The following AIG1 variants were observed in gnomAD, a reference collection of about 807,000 sequenced individuals.
AIG1 encodes androgen-induced gene 1 protein.
A neutral mutation model predicts 31.4 loss-of-function variants in AIG1; 23 were observed. The observed-to-expected ratio is 0.73, with a 90% CI of 0.53 to 1.04. AIG1 has a LOEUF of 1.04. Ranked by LOEUF, AIG1 falls within the 50% of genes least tolerant of loss-of-function variation. The probability of loss-of-function intolerance (pLI) is 0.00; values close to 1 mark genes in which losing one functional copy is unlikely to be tolerated. For missense variants in AIG1, 274 were observed against 295.0 expected, an observed-to-expected ratio of 0.93 and a Z score of 0.52; for synonymous variants, 100 against 110.5, an observed-to-expected ratio of 0.90 and a Z score of 0.60.
At chr6:143,306,975 T>G (rs1298003463) in intron 4 of AIG1, among the ~76,000 whole-genome samples, 1 of 152,200 alleles carries the variant, frequency 6.6e-6, no homozygotes, top group Admixed American at 6.5e-5. Flanking sequence ...TGATACCCTT[T>G]CTTCCAGTTG....
At chr6:143,162,742 C>A (rs372157365) in intron 2 of AIG1, among the ~76,000 whole-genome samples, 2 of 152,260 alleles carry the variant, frequency 1.3e-5, no homozygotes, top group East Asian at 3.9e-4. Flanking sequence ...CCTTTACCAC[C>A]CCTCAGGTTA....
In AIG1 at chr6:143,339,692, G is replaced by A. The variant is rs369292155; in HGVS notation, c.*16G>A. Reference sequence around the variant, plus strand: ...ATTGGAATGAGATCCAAGTCTAAACGCAAGAGCTAGATTGAGCCGCCATTG... The same window carrying A: ...ATTGGAATGAGATCCAAGTCTAAACACAAGAGCTAGATTGAGCCGCCATTG... On this transcript the variant is annotated 3_prime_UTR_variant, in exon 6 of 6. Transcript: ENST00000357847. The A allele has an allele frequency of 5.6e-6, 9 of 1,612,444 alleles. No individual in the cohort carries two copies. Among genetic ancestry groups the A allele is most frequent in the African/African-American group, 5.3e-5 (4 of 74,844 alleles).
chr6:143,061,715 T>C lies in AIG1; in HGVS notation c.141+649T>C, dbSNP rs944410827. 4 of 172,496 alleles carry C rather than the reference T, an allele frequency of 2.3e-5. No individual in the cohort carries two copies. The East Asian group carries it at 4.5e-4, about 20-fold the overall frequency. The allele number at this position is 172,496 out of a possible 1,614,324, so 10.7% of individuals were successfully genotyped here. ...CTGTACACACTTCTCTGTCTTCCCATGTACAAATTTACAGTAGTTTGCATA... is the reference window on the plus strand; with the variant it reads ...CTGTACACACTTCTCTGTCTTCCCACGTACAAATTTACAGTAGTTTGCATA... On this transcript the variant is annotated intron_variant, in intron 1 of 5. Transcript: ENST00000357847.
intron 3 of AIG1, among the ~76,000 whole-genome samples, chr6:143,167,623 A>G (rs765627424): frequency 2.1e-4 from 32 of 152,216 alleles, no homozygotes; most frequent in Non-Finnish European, 1.5e-4. Flanking sequence ...GTATCCAGCC[A>G]TTAGAACTTT....
intron 4 of AIG1, among the ~76,000 whole-genome samples, chr6:143,307,815 C>T (rs957265445): frequency 3.3e-5 from 5 of 152,238 alleles, no homozygotes; most frequent in African/African-American, 1.2e-4. Flanking sequence ...GTGGAGCCTA[C>T]AGAGGCAGGC....
intron 2 of AIG1, among the ~76,000 whole-genome samples, chr6:143,144,752 C>T (rs1159598179): frequency 6.6e-6 from 1 of 152,094 alleles, no homozygotes; most frequent in Non-Finnish European, 1.5e-5. Flanking sequence ...TTTATTTTAT[C>T]CATGATGATT....
intron 3 of AIG1, among the ~76,000 whole-genome samples, chr6:143,227,139 C>T (rs976713318): frequency 6.6e-6 from 1 of 152,102 alleles, no homozygotes; most frequent in African/African-American, 2.4e-5. Context: ...ACTGTCTGAA[C>T]TTCTATCATC....
chr6:143,242,882 A>G (rs1054077688), intron 3 of AIG1, among the ~76,000 whole-genome samples: 2 of 152,134 alleles, frequency 1.3e-5, no homozygotes, highest in Admixed American at 1.3e-4. Context: ...CCCCATGGAG[A>G]GCCCTTGCTG....
chr6:143,342,640 T>C (rs1383713601), downstream of AIG1: 2 of 1,182,838 alleles, frequency 1.7e-6, no homozygotes, highest in African/African-American at 1.5e-5. Context: ...TCCAGAGTTA[T>C]TTTGATGGCA....
At chr6:143,237,201 G>C (rs987464685) in intron 3 of AIG1, among the ~76,000 whole-genome samples, 1 of 152,142 alleles carries the variant, frequency 6.6e-6, no homozygotes, top group African/African-American at 2.4e-5. Context: ...CTTAAACATA[G>C]TGTCACACAT....
chr6:143,195,001 T>C (rs893117371), intron 3 of AIG1, among the ~76,000 whole-genome samples: 1 of 152,192 alleles, frequency 6.6e-6, no homozygotes, highest in African/African-American at 2.4e-5. Flanking sequence ...TTCATGGAGA[T>C]TGGCCCAACA....
chr6:143,233,351 C>T (rs988717505), intron 3 of AIG1, among the ~76,000 whole-genome samples: 2 of 151,916 alleles, frequency 1.3e-5, no homozygotes, highest in Non-Finnish European at 2.9e-5. Flanking sequence ...GATTATTTTG[C>T]TCAAATTAGA....
intron 1 of AIG1, among the ~76,000 whole-genome samples, chr6:143,071,920 A>T (rs1158856415): frequency 6.6e-6 from 1 of 151,764 alleles, no homozygotes; most frequent in African/African-American, 2.4e-5. Flanking sequence ...AGTAGCTGGG[A>T]CTATAGGCAT....
rs376421874 is a variant in AIG1, at chr6:143,169,396, A to G, written c.399+4213A>G. On this transcript the variant is annotated intron_variant, in intron 3 of 5. Transcript: ENST00000357847. ...GTATATAATGTGTAATGGCCAAATC[A>G]GGGTAATTAGCATATATATTTTCTC... Among the ~76,000 whole-genome samples, 19 of 152,318 alleles carry G rather than the reference A, an allele frequency of 1.2e-4. 1 individual carries two copies. Among genetic ancestry groups the G allele is most frequent in the Middle Eastern group, 3.4e-3 (1 of 294 alleles).
At chr6:143,160,572 G>A (rs1786266533) in intron 2 of AIG1, among the ~76,000 whole-genome samples, 1 of 152,180 alleles carries the variant, frequency 6.6e-6, no homozygotes. Context: ...TGTAGGATGA[G>A]GAATAGCTGG....
rs1201320251 is a variant in AIG1 at position 143,328,949 on chromosome 6, A to G, written c.516-4333A>G. ...GAAGACCTTAGAAGGAGAGAAATTA[A>G]AAGTCAGCCAAGAACTAAGCACTCT... On this transcript the variant is annotated intron_variant, in intron 4 of 5. Transcript: ENST00000357847. The surrounding 1 kb of genome is among the most constrained non-coding windows in gnomAD (Gnocchi z 4.0). 2.0e-5 allele frequency among the ~76,000 whole-genome samples: 3 copies of G among 152,216 alleles called. No homozygotes were observed. The East Asian group carries it at 5.8e-4, about 29-fold the overall frequency.
In AIG1 at chr6:143,146,414, A is replaced by C. The variant is rs1251957496; in HGVS notation, c.297+9424A>C. Among the ~76,000 whole-genome samples, 3 of 152,178 alleles carry C rather than the reference A, an allele frequency of 2.0e-5. No individual in the cohort carries two copies. The Middle Eastern group carries it at 0.01, about 518-fold the overall frequency. On this transcript the variant is annotated intron_variant, in intron 2 of 5. Transcript: ENST00000357847. ...TTGGGGACCAGGGACAAGATGCAATATTCTTGATTTTAAAAGAAAAGAAAA... is the reference window on the plus strand; with the variant it reads ...TTGGGGACCAGGGACAAGATGCAATCTTCTTGATTTTAAAAGAAAAGAAAA...
chr6:143,102,904 TA>T (rs1011236723), intron 1 of AIG1, among the ~76,000 whole-genome samples: 5 of 152,222 alleles, frequency 3.3e-5, no homozygotes, highest in African/African-American at 9.6e-5. Flanking sequence ...ATTTTTACTT[TA>T]TTTTTTTGTT....
At chr6:143,169,055 AATAT>A (rs199718138) in intron 3 of AIG1, among the ~76,000 whole-genome samples, 9 of 151,556 alleles carry the variant, frequency 5.9e-5, no homozygotes, top group Admixed American at 5.9e-4. Context: ...ATGGCTTAAA[AATAT>A]ATATGTTTTA....
Sources: gnomAD v4.1 joint callset for allele counts (sites outside exome capture counted in the v4.1 genomes callset) on GRCh38, gnomAD v4.1.1 for gene constraint, Gnocchi (gnomAD v3.1) non-coding constraint, MANE v1.5 for transcripts, NCBI Gene and HGNC (gene_info 2026-07-23, HGNC 2026-07-21) for gene names.